The following MAPK10 variants were observed in gnomAD, a reference collection of about 807,000 sequenced individuals.
MAPK10 encodes JNK3 alpha protein kinase.
MAPK10 carries 25 observed loss-of-function variants against 59.3 expected under a neutral mutation model. The observed-to-expected ratio is 0.42, with a 90% CI of 0.31 to 0.59. MAPK10 has a LOEUF of 0.59. Ranked by LOEUF, MAPK10 falls within the 20% of genes least tolerant of loss-of-function variation. The pLI, the probability that MAPK10 is intolerant of heterozygous loss-of-function variation, is 0.15. For synonymous variants in MAPK10, 190 were observed against 200.5 expected (o/e 0.95, Z 0.44); for missense variants, 351 against 568.9 (o/e 0.62, Z 3.90).
At chr4:86,478,053 A>G (rs1280268986) in intron 1 of MAPK10, among the ~76,000 whole-genome samples, 2 of 152,002 alleles carry the variant, frequency 1.3e-5, no homozygotes, top group East Asian at 1.9e-4. Flanking sequence ...TGCTTTCCCC[A>G]CCGATTGTGT....
chr4:86,382,531 G>C (rs1019056599), intron 1 of MAPK10, among the ~76,000 whole-genome samples: 3 of 152,130 alleles, frequency 2.0e-5, no homozygotes, highest in African/African-American at 7.2e-5. Context: ...TGCGGATATG[G>C]GCTGTGACTG....
At chr4:86,425,920 G>A (rs565450243) in intron 1 of MAPK10, among the ~76,000 whole-genome samples, 65 of 152,232 alleles carry the variant, frequency 4.3e-4, no homozygotes, top group Middle Eastern at 6.8e-3. Flanking sequence ...GCAGTGAGCC[G>A]AGATTGAGCC....
intron 2 of MAPK10, among the ~76,000 whole-genome samples, chr4:86,209,243 T>C (rs1438704858): frequency 6.6e-6 from 1 of 152,046 alleles, no homozygotes; most frequent in Non-Finnish European, 1.5e-5. Flanking sequence ...AAAGTAACAA[T>C]ATGGATACAT....
chr4:86,495,156 G>T (rs1754783410), intron 1 of MAPK10, among the ~76,000 whole-genome samples: 1 of 152,158 alleles, frequency 6.6e-6, no homozygotes, highest in African/African-American at 2.4e-5. Flanking sequence ...AGCGAGTTTG[G>T]CTTGGGTTGA....
At chr4:86,455,659 A>G (rs1021397238), upstream of MAPK10, among the ~76,000 whole-genome samples, 13 of 152,198 alleles carry the variant, frequency 8.5e-5, no homozygotes, top group South Asian at 8.3e-4. Context: ...TTTATAAGAC[A>G]ATTACTAATA....
chr4:86,289,451 G>A (rs1182216255), intron 2 of MAPK10, among the ~76,000 whole-genome samples: 3 of 151,938 alleles, frequency 2.0e-5, no homozygotes, highest in Non-Finnish European at 4.4e-5. Context: ...GTTAAGCAGG[G>A]AGGAAATTAG....
At chr4:86,210,512 T>G (rs939074936) in intron 2 of MAPK10, among the ~76,000 whole-genome samples, 1 of 152,054 alleles carries the variant, frequency 6.6e-6, no homozygotes, top group Non-Finnish European at 1.5e-5. Context: ...TATTTATAAT[T>G]GCTTTATTTG....
chr4:86,580,360 A>T (rs1417284671), intron 1 of MAPK10, among the ~76,000 whole-genome samples: 1 of 151,946 alleles, frequency 6.6e-6, no homozygotes, highest in South Asian at 2.1e-4. Flanking sequence ...TTAGCCGGGC[A>T]TGGTGGCGTA....
intron 2 of MAPK10, among the ~76,000 whole-genome samples, chr4:86,232,880 C>T (rs971514826): frequency 1.1e-4 from 17 of 150,528 alleles, no homozygotes; most frequent in African/African-American, 1.2e-4. Context: ...ATAAAACATA[C>T]GAGTCAAGGG....
chr4:86,571,607 G>A (rs1160380735), intron 1 of MAPK10, among the ~76,000 whole-genome samples: 1 of 152,062 alleles, frequency 6.6e-6, no homozygotes, highest in Non-Finnish European at 1.5e-5. Context: ...CTGTAGCTGG[G>A]AAAGTCAAGA....
At chr4:86,493,625 C>T (rs952515564) in intron 1 of MAPK10, among the ~76,000 whole-genome samples, 3 of 152,148 alleles carry the variant, frequency 2.0e-5, no homozygotes, top group African/African-American at 7.2e-5. Context: ...TCACCCTCCC[C>T]CTTCACTCCT....
chr4:86,155,749 T>C (rs1392591996), intron 4 of MAPK10, among the ~76,000 whole-genome samples: 1 of 152,128 alleles, frequency 6.6e-6, no homozygotes, highest in Non-Finnish European at 1.5e-5. Context: ...AGATTTTTGT[T>C]CTTTCCTCAT....
At chr4:86,216,496 G>A (rs997624037) in intron 2 of MAPK10, among the ~76,000 whole-genome samples, 1 of 151,470 alleles carries the variant, frequency 6.6e-6, no homozygotes, top group African/African-American at 2.4e-5. Flanking sequence ...AACAGAAAAA[G>A]TTGAAAGAAA....
chr4:86,520,154 G>A (rs1478766593), intron 1 of MAPK10, among the ~76,000 whole-genome samples: 2 of 152,128 alleles, frequency 1.3e-5, no homozygotes, highest in African/African-American at 4.8e-5. Context: ...ATATTTGGAT[G>A]TCTAGATCTC....
Position 86,372,520 on chromosome 4 carries a change from A to AAAAG in MAPK10, c.-121-17880_-121-17877dup, listed in dbSNP as rs71598410. 9.4e-3 allele frequency among the ~76,000 whole-genome samples: 845 copies of AAAAG among 90,018 alleles called. 42 individuals are homozygous for AAAAG. Among genetic ancestry groups the AAAAG allele is most frequent in the African/African-American group, 0.038 (708 of 18,566 alleles). The allele number at this position is 90,018 out of a possible 152,430, so 59.1% of individuals were successfully genotyped here. ...GACAGAGTAAGACTCCATCTCAAAC[A>AAAAG]AAAGAAAGAAAGAAAGAAAGAAAGA... is the stretch of plus-strand genomic sequence containing the variant. On this transcript the variant is annotated intron_variant, in intron 1 of 13. Transcript: ENST00000361569.
At chr4:86,077,182 T>C (rs2049672145) in intron 9 of MAPK10, among the ~76,000 whole-genome samples, 1 of 152,102 alleles carries the variant, frequency 6.6e-6, no homozygotes. Flanking sequence ...ACTAAGGTAT[T>C]CAATAAATAG....
intron 1 of MAPK10, among the ~76,000 whole-genome samples, chr4:86,546,171 C>T (rs1345658496): frequency 6.6e-6 from 1 of 151,842 alleles, no homozygotes; most frequent in Non-Finnish European, 1.5e-5. Context: ...TGCAGTAAGC[C>T]GAGATGGCGC....
At chr4:86,251,643 C>T (rs995838709) in intron 2 of MAPK10, among the ~76,000 whole-genome samples, 7 of 135,242 alleles carry the variant, frequency 5.2e-5, no homozygotes, top group Admixed American at 1.5e-4. Context: ...CATACATGTG[C>T]ATGTGTCTTT....
upstream of MAPK10, among the ~76,000 whole-genome samples, chr4:86,363,657 A>G (rs1319615288): frequency 6.6e-6 from 1 of 152,126 alleles, no homozygotes. Flanking sequence ...TTTGAAATTT[A>G]CTCTCTTAGT....
Sources: allele counts gnomAD v4.1 joint callset (sites outside exome capture counted in the v4.1 genomes callset), GRCh38; gene constraint gnomAD v4.1.1; transcripts MANE v1.5; gene names NCBI Gene and HGNC (gene_info 2026-07-23, HGNC 2026-07-21).